The following PCDH15 variants were observed in gnomAD, a reference collection of about 807,000 sequenced individuals.
PCDH15 encodes the protein protocadherin related 15, also known as protocadherin-15.
PCDH15 carries 129 observed loss-of-function variants against 178.5 expected under a neutral mutation model. That is an observed-to-expected ratio of 0.72 (90% CI 0.63 to 0.84). The LOEUF is 0.84. PCDH15 is among the 40% of genes least tolerant of loss of function. The pLI is 0.00. For missense variants in PCDH15, 2,230 were observed against 2,099.9 expected (o/e 1.06, Z -1.21); for synonymous variants, 800 against 732.0 (o/e 1.09, Z -1.50).
chr10:55,477,364 A>C (rs1840083005), intron 2 of PCDH15, among the ~76,000 whole-genome samples: 1 of 151,890 alleles, frequency 6.6e-6, no homozygotes, highest in African/African-American at 2.4e-5. Context: ...GAACTCAAGC[A>C]TACTATTTGC....
chr10:53,965,388 C>G (rs2088898513), intron 21 of PCDH15, among the ~76,000 whole-genome samples: 1 of 152,150 alleles, frequency 6.6e-6, no homozygotes, highest in African/African-American at 2.4e-5. Flanking sequence ...ATAATAAAAT[C>G]TAGGCTTTAA....
intron 3 of PCDH15, among the ~76,000 whole-genome samples, chr10:54,435,185 C>T (rs2136059049): frequency 6.6e-6 from 1 of 152,182 alleles, no homozygotes; most frequent in South Asian, 2.1e-4. Context: ...CATCTCATAC[C>T]ATACATTTAT....
intron 10 of PCDH15, among the ~76,000 whole-genome samples, chr10:54,209,176 G>A (rs889534029): frequency 2.6e-5 from 4 of 151,998 alleles, no homozygotes; most frequent in Non-Finnish European, 4.4e-5. Flanking sequence ...TTAGACACCT[G>A]TGATCTTTCA....
At chr10:54,588,790 T>C (rs952542542) in intron 2 of PCDH15, among the ~76,000 whole-genome samples, 1 of 152,080 alleles carries the variant, frequency 6.6e-6, no homozygotes, top group African/African-American at 2.4e-5. Context: ...CCGGGGCTAG[T>C]CTTGAACTCT....
At chr10:54,519,210 A>G (rs2138114776) in intron 3 of PCDH15, among the ~76,000 whole-genome samples, 1 of 152,350 alleles carries the variant, frequency 6.6e-6, no homozygotes, top group African/African-American at 2.4e-5. Context: ...AGTTCTGGCC[A>G]GGGCAATGAG....
At chr10:54,051,482 C>T (rs1323513811) in intron 18 of PCDH15, among the ~76,000 whole-genome samples, 1 of 152,064 alleles carries the variant, frequency 6.6e-6, no homozygotes, top group African/African-American at 2.4e-5. Context: ...GAGTAAATGT[C>T]GCTCCTGCTA....
At chr10:55,360,193 C>A (rs1845194690) in intron 2 of PCDH15, among the ~76,000 whole-genome samples, 1 of 151,826 alleles carries the variant, frequency 6.6e-6, no homozygotes, top group Non-Finnish European at 1.5e-5. Context: ...TGTATTTATT[C>A]ATCAAAACAT....
chr10:53,948,745 A>T (rs760327351), intron 23 of PCDH15, among the ~76,000 whole-genome samples: 7 of 152,198 alleles, frequency 4.6e-5, no homozygotes, highest in Admixed American at 1.3e-4. Context: ...GTTTAACACC[A>T]TTCAATGTCT....
At chr10:54,773,853 G>C (rs915674833) in intron 1 of PCDH15, among the ~76,000 whole-genome samples, 1 of 151,676 alleles carries the variant, frequency 6.6e-6, no homozygotes, top group African/African-American at 2.4e-5. Flanking sequence ...AAAAAATCTA[G>C]GAGCATCATA....
intron 15 of PCDH15, among the ~76,000 whole-genome samples, chr10:54,123,565 T>C (rs2041740283): frequency 1.3e-5 from 2 of 151,982 alleles, no homozygotes; most frequent in African/African-American, 2.4e-5. Flanking sequence ...ACTTATATAC[T>C]CTTGGTGGGA....
At chr10:54,935,893 T>C (rs749420219) in intron 2 of PCDH15, among the ~76,000 whole-genome samples, 2 of 152,132 alleles carry the variant, frequency 1.3e-5, no homozygotes, top group South Asian at 4.1e-4. Flanking sequence ...TTTATTGATA[T>C]ATAACTCACT....
At chr10:54,391,326 G>A (rs1950524330) in intron 3 of PCDH15, among the ~76,000 whole-genome samples, 1 of 152,060 alleles carries the variant, frequency 6.6e-6, no homozygotes, top group Admixed American at 6.6e-5. Context: ...CACGAAAGGA[G>A]TTTATGCATG....
intron 1 of PCDH15, among the ~76,000 whole-genome samples, chr10:54,717,276 A>C (rs1364697517): frequency 5.0e-5 from 6 of 120,636 alleles, no homozygotes; most frequent in African/African-American, 1.3e-4. Flanking sequence ...TAATTAAACT[A>C]AAGAGCTTCT....
In PCDH15 at chr10:54,480,702, A is replaced by T. The variant is rs553286340; in HGVS notation, c.157+47110T>A. On this transcript the variant is annotated intron_variant, in intron 3 of 37. Coordinates refer to ENST00000644397, the MANE Select transcript of PCDH15 (RefSeq NM_001384140.1). ...TAAATAGAGAAGATCAAAGCCAAGG[A>T]CTGGAATTTTGAATTATTAGTAGCT... 5.3e-5 allele frequency among the ~76,000 whole-genome samples: 8 copies of T among 152,096 alleles called. No individual in the cohort carries two copies. The South Asian group carries it at 1.5e-3, about 28-fold the overall frequency.
intron 2 of PCDH15, among the ~76,000 whole-genome samples, chr10:55,132,590 GA>G (rs1247013947): frequency 6.6e-6 from 1 of 152,002 alleles, no homozygotes; most frequent in African/African-American, 2.4e-5. Context: ...ACCCCAATTT[GA>G]AAGATAATTA....
intron 10 of PCDH15, among the ~76,000 whole-genome samples, chr10:54,198,627 A>G (rs1339091262): frequency 2.7e-5 from 3 of 112,646 alleles, no homozygotes; most frequent in South Asian, 2.8e-4. Flanking sequence ...TCAGCCTCCC[A>G]AGTAGTTGGG....
chr10:55,624,372 G>A (rs772816473), intron 2 of PCDH15, among the ~76,000 whole-genome samples: 7 of 151,498 alleles, frequency 4.6e-5, no homozygotes, highest in East Asian at 1.9e-4. Context: ...TAGAGAGGAC[G>A]TTTCATTAAA....
At chr10:55,283,899 GTCA>G (rs1842798369) in intron 1 of PCDH15, among the ~76,000 whole-genome samples, 2 of 151,864 alleles carry the variant, frequency 1.3e-5, no homozygotes, top group Admixed American at 6.6e-5. Context: ...TGTTATAGCT[GTCA>G]TCATCATTTT....
intron 28 of PCDH15, among the ~76,000 whole-genome samples, chr10:53,840,906 A>G (rs1444087879): frequency 1.3e-5 from 2 of 152,236 alleles, no homozygotes; most frequent in African/African-American, 4.8e-5. Flanking sequence ...GACACATGAC[A>G]CGTAGCTATA....
Sources: allele counts gnomAD v4.1 joint callset (sites outside exome capture counted in the v4.1 genomes callset), GRCh38; gene constraint gnomAD v4.1.1; transcripts MANE v1.5; gene names NCBI Gene and HGNC (gene_info 2026-07-23, HGNC 2026-07-21).